The following SEMA4D variants were observed in gnomAD, a reference collection of about 807,000 sequenced individuals.
The protein encoded by SEMA4D is semaphorin 4D, also known as semaphorin-4D.
In SEMA4D, 22 loss-of-function variants were observed where a neutral mutation model predicts 74.8. The observed-to-expected ratio is 0.29, with a 90% confidence interval of 0.21 to 0.42. The LOEUF (loss-of-function observed/expected upper bound fraction) is 0.42, where lower values mean the gene tolerates loss of function less well. Among genes scored for constraint, SEMA4D ranks in the 10% least tolerant of loss-of-function variants. The pLI is 1.00. For synonymous variants in SEMA4D, 445 were observed against 463.7 expected (o/e 0.96, Z 0.52); for missense variants, 937 against 1,118.4 (o/e 0.84, Z 2.31).
intron 6 of SEMA4D, among the ~76,000 whole-genome samples, chr9:89,395,294 A>G (rs1019067120): frequency 1.3e-5 from 2 of 152,098 alleles, no homozygotes; most frequent in African/African-American, 4.8e-5. Flanking sequence ...ACGTGGTGGC[A>G]CATGCCTGTA....
intron 16 of SEMA4D, chr9:89,365,283 G>A (rs538312069): frequency 6.6e-6 from 1 of 152,518 alleles, no homozygotes; most frequent in African/African-American, 2.4e-5. Context: ...GCTCCTGCTT[G>A]TGGTGGGGCT....
chr9:89,457,522 G>T (rs1856232725), intron 1 of SEMA4D, among the ~76,000 whole-genome samples: 1 of 151,816 alleles, frequency 6.6e-6, no homozygotes. Context: ...GGATCGCTTG[G>T]GCCCAGAAGT....
chr9:89,383,023 G>T (rs7469438), intron 13 of SEMA4D, among the ~76,000 whole-genome samples: 40,233 of 151,852 alleles, frequency 0.26, 5,528 homozygotes, highest in African/African-American at 0.31. Flanking sequence ...AAACTAAGCT[G>T]TAAAAACTAA....
At chr9:89,369,895 T>C (rs545843053) in intron 16 of SEMA4D, among the ~76,000 whole-genome samples, 1 of 151,728 alleles carries the variant, frequency 6.6e-6, no homozygotes, top group Admixed American at 6.6e-5. Context: ...TGGTTGTGTA[T>C]GTGTGGATGT....
chr9:89,418,764 G>A (rs991684479), intron 2 of SEMA4D: 2 of 152,116 alleles, frequency 1.3e-5, no homozygotes, highest in African/African-American at 4.8e-5. Flanking sequence ...AGAGCCACGT[G>A]CAGGACTGCA....
chr9:89,459,974 A>G (rs1298792560), intron 1 of SEMA4D, among the ~76,000 whole-genome samples: 1 of 152,188 alleles, frequency 6.6e-6, no homozygotes, highest in Non-Finnish European at 1.5e-5. Context: ...TCTGCGTTCC[A>G]GAAACAACTG....
At chr9:89,427,268 G>A (rs542507889) in intron 2 of SEMA4D, among the ~76,000 whole-genome samples, 7 of 152,166 alleles carry the variant, frequency 4.6e-5, no homozygotes, top group Non-Finnish European at 8.8e-5. Flanking sequence ...AGTCAGAAGA[G>A]GGGGGCAGCC....
At chr9:89,457,904 A>T (rs1454544678) in intron 1 of SEMA4D, among the ~76,000 whole-genome samples, 2 of 152,076 alleles carry the variant, frequency 1.3e-5, no homozygotes, top group African/African-American at 4.8e-5. Context: ...ATGGTGGTAC[A>T]CGCCTGTAGT....
In SEMA4D at chr9:89,411,532, C is replaced by T. The variant is rs117284095; in HGVS notation, c.-243-5833G>A. Among the ~76,000 whole-genome samples, 693 of 152,340 alleles carry T rather than the reference C, an allele frequency of 4.5e-3. 4 individuals are homozygous for T. The highest frequency in any genetic ancestry group is 7.0e-3 in the Non-Finnish European group (476 of 68,038). On this transcript the variant is annotated intron_variant, in intron 2 of 15. Transcript: ENST00000422704. ...AGTGAAAATAGTTGAAACTCAGTGT[C>T]TCAGGGCAGCAGGGAAGGGACAAAG...
chr9:89,384,676 C>T (rs1486170497), intron 13 of SEMA4D: 1 of 985,310 alleles, frequency 1.0e-6, no homozygotes, highest in Non-Finnish European at 1.2e-6. Context: ...AAGCAAAACC[C>T]CATGCTTGTC....
chr9:89,364,551 C>T lies in SEMA4D; in HGVS notation c.1883-601G>A, dbSNP rs139183617. Reference sequence around the variant, plus strand: ...CCCTGCAGAATTACACTAGGACTGCCGAGTGCAGCACATCCAGGATGGGCT... The same window carrying T: ...CCCTGCAGAATTACACTAGGACTGCTGAGTGCAGCACATCCAGGATGGGCT... On this transcript the variant is annotated intron_variant, in intron 16 of 18. Coordinates refer to the SEMA4D transcript ENST00000339861. The T allele has an allele frequency of 1.5e-3, 239 of 164,420 alleles. 1 individual carries two copies. Among genetic ancestry groups the T allele is most frequent in the African/African-American group, 5.4e-3 (226 of 42,024 alleles). 10.2% of individuals were successfully genotyped at this position (164,420 alleles called of 1,614,324 possible). A position where few individuals can be genotyped will look rare whatever the true frequency, so the allele number is the denominator to read the frequency against.
intron 2 of SEMA4D, chr9:89,450,239 T>G: frequency 8.3e-7 from 1 of 1,200,892 alleles, no homozygotes; most frequent in Non-Finnish European, 1.2e-6. Flanking sequence ...ATGCTGTGGA[T>G]GTTCTCATCA....
intron 5 of SEMA4D, among the ~76,000 whole-genome samples, chr9:89,397,793 G>A (rs550046932): frequency 1.8e-4 from 27 of 152,286 alleles, no homozygotes; most frequent in Middle Eastern, 3.4e-3. Context: ...ACTTCTTTGG[G>A]TTTTCTTTCT....
At position 89,481,047 on chromosome 9, in the gene SEMA4D, C is replaced by T. The variant is rs1588177178; in HGVS notation, c.-310+16872G>A. Among the ~76,000 whole-genome samples, 4 of 152,376 alleles carry T rather than the reference C, an allele frequency of 2.6e-5. No individual in the cohort carries two copies. In the East Asian group the frequency reaches 7.7e-4, roughly 29 times the overall value. On this transcript the variant is annotated intron_variant, in intron 1 of 15. Coordinates refer to ENST00000422704, the MANE Select transcript of SEMA4D (RefSeq NM_001371194.2). ...ACACGTCTTGTCCATTCTCCTCCAACCCCCAACCTCTCACTGCCATCCCAG... is the reference window on the plus strand; with the variant it reads ...ACACGTCTTGTCCATTCTCCTCCAATCCCCAACCTCTCACTGCCATCCCAG...
At chr9:89,400,984 G>A (rs1842095949) in intron 4 of SEMA4D, among the ~76,000 whole-genome samples, 1 of 152,186 alleles carries the variant, frequency 6.6e-6, no homozygotes. Flanking sequence ...TAACAGACAC[G>A]CGAAGAGTAA....
chr9:89,461,833 G>T (rs937667630), intron 1 of SEMA4D, among the ~76,000 whole-genome samples: 14 of 151,206 alleles, frequency 9.3e-5, no homozygotes, highest in Non-Finnish European at 1.5e-4. Flanking sequence ...CTCCTGAGTA[G>T]CTGGGATTAC....
intron 2 of SEMA4D, chr9:89,450,686 A>AAAAAAAAAAAAAC: frequency 6.3e-6 from 6 of 945,100 alleles, no homozygotes; most frequent in East Asian, 5.1e-5. Context: ...AAAAAAAAAA[A>AAAAAAAAAAAAAC]AGGCCTCCAA....
At chr9:89,442,970 C>A (rs1202674773) in intron 2 of SEMA4D, among the ~76,000 whole-genome samples, 18 of 152,238 alleles carry the variant, frequency 1.2e-4, no homozygotes, top group Admixed American at 1.2e-3. Flanking sequence ...TTCACTGGGG[C>A]TAGAGCAACC....
intron 13 of SEMA4D, chr9:89,385,076 CCT>C: frequency 1.0e-6 from 1 of 981,106 alleles, no homozygotes; most frequent in Non-Finnish European, 1.2e-6. Flanking sequence ...CGCGAGGCTC[CCT>C]GTGTGGCCAG....
Sources: gnomAD v4.1 joint callset for allele counts (sites outside exome capture counted in the v4.1 genomes callset) on GRCh38, gnomAD v4.1.1 for gene constraint, MANE v1.5 for transcripts, NCBI Gene and HGNC (gene_info 2026-07-23, HGNC 2026-07-21) for gene names.